Variants in SLC8A1 observed in about 807,000 individuals in gnomAD.
The protein encoded by SLC8A1 is sodium/calcium exchanger 1.
SLC8A1 carries 18 observed loss-of-function variants against 68.3 expected under a neutral mutation model. The ratio of observed to expected loss-of-function variants is 0.26; its 90% CI spans 0.18 to 0.39. SLC8A1 has a LOEUF of 0.39. SLC8A1 is among the 10% of genes least tolerant of loss of function. SLC8A1 has a pLI of 1.00. For missense variants in SLC8A1, 985 were observed against 1,156.7 expected (o/e 0.85, Z 2.15); for synonymous variants, 475 against 415.5 (o/e 1.14, Z -1.74).
chr2:40,452,865 C>G (rs1308408246), upstream of SLC8A1, among the ~76,000 whole-genome samples: 1 of 151,846 alleles, frequency 6.6e-6, no homozygotes, highest in African/African-American at 2.4e-5. Flanking sequence ...GAGTCTGTTT[C>G]GTGTGAAAGG....
chr2:40,173,777 G>A (rs1489014327), intron 4 of SLC8A1, among the ~76,000 whole-genome samples: 1 of 152,178 alleles, frequency 6.6e-6, no homozygotes, highest in Non-Finnish European at 1.5e-5. Flanking sequence ...TATATTGGAA[G>A]ATGTCACATA....
intron 2 of SLC8A1, among the ~76,000 whole-genome samples, chr2:40,234,552 C>T (rs2060110584): frequency 1.3e-5 from 2 of 152,144 alleles, no homozygotes; most frequent in South Asian, 4.1e-4. Context: ...CAAAAAGGGA[C>T]AATTTGACTT....
intron 2 of SLC8A1, among the ~76,000 whole-genome samples, chr2:40,313,744 T>G (rs1025560814): frequency 6.6e-6 from 1 of 152,102 alleles, no homozygotes; most frequent in Non-Finnish European, 1.5e-5. Flanking sequence ...CAGTGTGCAT[T>G]ACTATTTCAT....
chr2:40,204,609 G>A (rs1395591502), intron 2 of SLC8A1, among the ~76,000 whole-genome samples: 1 of 151,962 alleles, frequency 6.6e-6, no homozygotes, highest in African/African-American at 2.4e-5. Context: ...AGCTAATGTT[G>A]TCTTGTTTCA....
At chr2:40,144,939 G>A (rs1306851191) in intron 6 of SLC8A1, among the ~76,000 whole-genome samples, 3 of 152,138 alleles carry the variant, frequency 2.0e-5, no homozygotes, top group Admixed American at 6.6e-5. Flanking sequence ...AGCAGTTGAA[G>A]TCTACTTATT....
chr2:40,323,962 C>T (rs375496215), intron 2 of SLC8A1, among the ~76,000 whole-genome samples: 12 of 150,568 alleles, frequency 8.0e-5, no homozygotes, highest in Admixed American at 6.0e-4. Context: ...TCCGTGCATA[C>T]TTAACTTATA....
intron 1 of SLC8A1, among the ~76,000 whole-genome samples, chr2:40,447,954 A>C (rs1007354752): frequency 2.0e-5 from 3 of 152,262 alleles, no homozygotes; most frequent in South Asian, 4.1e-4. Context: ...GATTCACTTA[A>C]ACTTTTGTCT....
intron 2 of SLC8A1, among the ~76,000 whole-genome samples, chr2:40,230,073 A>C (rs1467202568): frequency 1.3e-5 from 2 of 152,308 alleles, no homozygotes; most frequent in South Asian, 4.1e-4. Context: ...AGCTGGCATC[A>C]TCAGAGCTAG....
chr2:40,422,127 T>C (rs1160991996), intron 2 of SLC8A1, among the ~76,000 whole-genome samples: 2 of 152,000 alleles, frequency 1.3e-5, no homozygotes, highest in African/African-American at 4.8e-5. Flanking sequence ...CATATGCCAC[T>C]TACCCACAGT....
chr2:40,267,819 G>A (rs570379171), intron 2 of SLC8A1, among the ~76,000 whole-genome samples: 5 of 152,100 alleles, frequency 3.3e-5, no homozygotes, highest in East Asian at 1.9e-4. Context: ...GGTGTGCATC[G>A]AGCACACAAG....
chr2:40,392,196 G>C (rs1237418850), intron 2 of SLC8A1, among the ~76,000 whole-genome samples: 4 of 149,866 alleles, frequency 2.7e-5, no homozygotes, highest in South Asian at 2.1e-4. Flanking sequence ...AAAGAAAAAA[G>C]AAAGAAAAGA....
chr2:40,435,833 T>G (rs1466521606), intron 1 of SLC8A1, among the ~76,000 whole-genome samples: 1 of 152,112 alleles, frequency 6.6e-6, no homozygotes, highest in Non-Finnish European at 1.5e-5. Context: ...TGGAGTGCAG[T>G]GGTATGAACT....
chr2:40,116,171 T>C (rs977998228), intron 7 of SLC8A1, among the ~76,000 whole-genome samples: 10 of 152,188 alleles, frequency 6.6e-5, no homozygotes, highest in Admixed American at 5.9e-4. Context: ...GGGAGAGATT[T>C]TTCAAGATTC....
upstream of SLC8A1, among the ~76,000 whole-genome samples, chr2:40,452,381 A>T (rs906303322): frequency 3.3e-5 from 5 of 151,940 alleles, no homozygotes; most frequent in African/African-American, 1.2e-4. Context: ...TCTGCCGGCG[A>T]GCAGCTTTTT....
intron 2 of SLC8A1, among the ~76,000 whole-genome samples, chr2:40,371,841 G>C (rs572808572): frequency 6.6e-6 from 1 of 152,140 alleles, no homozygotes; most frequent in South Asian, 2.1e-4. Flanking sequence ...TGTTGCTGTG[G>C]CAGCAGCCCT....
At position 40,199,396 on chromosome 2, in the gene SLC8A1, A is replaced by G. The variant is rs1028559044; in HGVS notation, c.1809-21541T>C. Among the ~76,000 whole-genome samples the G allele has an allele frequency of 2.0e-5, 3 of 151,738 alleles. No individual in the cohort carries two copies. In the East Asian group the frequency reaches 5.8e-4, roughly 29 times the overall value. ...CAACACATGATACTCTTATTCCATC[A>G]TAATCATACTACAGAGAATAGACCC... On this transcript the variant is annotated intron_variant, in intron 2 of 7. Transcript: ENST00000406785.
chr2:40,402,643 T>G (rs1689097897), intron 2 of SLC8A1, among the ~76,000 whole-genome samples: 1 of 152,218 alleles, frequency 6.6e-6, no homozygotes, highest in Non-Finnish European at 1.5e-5. Flanking sequence ...TTTTCTGTCA[T>G]GGCCTGGATT....
At chr2:40,133,701 TC>T (rs111377369) in intron 7 of SLC8A1, among the ~76,000 whole-genome samples, 2,478 of 52,904 alleles carry the variant, frequency 0.047, 62 homozygotes, top group African/African-American at 0.14. Context: ...GGGGCAAAAA[TC>T]CCCCCCCCCC....
At chr2:40,272,189 A>C (rs1290456788) in intron 2 of SLC8A1, among the ~76,000 whole-genome samples, 1 of 152,126 alleles carries the variant, frequency 6.6e-6, no homozygotes, top group East Asian at 1.9e-4. Flanking sequence ...TTTAATTCCC[A>C]ATTCCATCTC....
Sources: gnomAD v4.1 joint callset for allele counts (sites outside exome capture counted in the v4.1 genomes callset) on GRCh38, gnomAD v4.1.1 for gene constraint, MANE v1.5 for transcripts, NCBI Gene and HGNC (gene_info 2026-07-23, HGNC 2026-07-21) for gene names.